REC114: variants seen among roughly 807,000 people sequenced by gnomAD.
REC114 encodes the protein REC114 meiotic recombination protein.
A neutral mutation model predicts 31.3 loss-of-function variants in REC114; 27 were observed. The ratio of observed to expected loss-of-function variants is 0.86; its 90% CI spans 0.64 to 1.19. The LOEUF (loss-of-function observed/expected upper bound fraction) is 1.19. Among genes scored for constraint, REC114 ranks in the 50% most tolerant of loss-of-function variants. The probability of loss-of-function intolerance (pLI) is 0.00; values close to 1 mark genes in which losing one functional copy is unlikely to be tolerated. For missense variants in REC114, 344 were observed against 326.9 expected, an observed-to-expected ratio of 1.05 and a Z score of -0.40; for synonymous variants, 134 against 127.7, an observed-to-expected ratio of 1.05 and a Z score of -0.33.
chr15:73,544,380 T>G (rs1392595219), intron 3 of REC114, among the ~76,000 whole-genome samples: 1 of 152,224 alleles, frequency 6.6e-6, no homozygotes, highest in Non-Finnish European at 1.5e-5. Flanking sequence ...AACACTATTA[T>G]TTAATTGACA....
chr15:73,551,408 A>AG (rs1170388298), intron 4 of REC114, among the ~76,000 whole-genome samples: 1 of 152,156 alleles, frequency 6.6e-6, no homozygotes, highest in African/African-American at 2.4e-5. Context: ...ACCCCTCCCT[A>AG]GGACTCTTCC....
intron 3 of REC114, among the ~76,000 whole-genome samples, chr15:73,550,663 G>T (rs1043643098): frequency 5.3e-5 from 8 of 152,164 alleles, no homozygotes; most frequent in Admixed American, 5.2e-4. Context: ...TCTGCAATCA[G>T]TATAGTGATC....
At chr15:73,499,929 T>C (rs1893581449) in intron 2 of REC114, among the ~76,000 whole-genome samples, 1 of 152,228 alleles carries the variant, frequency 6.6e-6, no homozygotes, top group Non-Finnish European at 1.5e-5. Context: ...CTTTTAATTA[T>C]GGATATTGTC....
At chr15:73,466,590 T>C (rs1893063503) in intron 1 of REC114, among the ~76,000 whole-genome samples, 1 of 152,074 alleles carries the variant, frequency 6.6e-6, no homozygotes, top group Non-Finnish European at 1.5e-5. Context: ...ACCTAAGCAT[T>C]TCCAAAAGGT....
At chr15:73,542,571 C>T (rs1178234354) in intron 3 of REC114, among the ~76,000 whole-genome samples, 1 of 152,076 alleles carries the variant, frequency 6.6e-6, no homozygotes, top group African/African-American at 2.4e-5. Context: ...CACCCACAAC[C>T]CCCAGAAGAT....
chr15:73,513,091 G>A (rs1312352065), intron 2 of REC114, among the ~76,000 whole-genome samples: 3 of 147,540 alleles, frequency 2.0e-5, no homozygotes, highest in Admixed American at 6.8e-5. Context: ...CCAATCAGAC[G>A]TAGATTTGGT....
chr15:73,545,261 G>T (rs1033289833), intron 3 of REC114, among the ~76,000 whole-genome samples: 4 of 152,150 alleles, frequency 2.6e-5, no homozygotes, highest in African/African-American at 9.7e-5. Flanking sequence ...ATCTTCTTAG[G>T]TGATAGAAAC....
intron 2 of REC114, among the ~76,000 whole-genome samples, chr15:73,527,112 C>T (rs1021894217): frequency 3.9e-5 from 6 of 152,082 alleles, no homozygotes; most frequent in African/African-American, 1.4e-4. Flanking sequence ...ACATCTGGCC[C>T]TCATGTATGT....
At chr15:73,484,125 A>G (rs1484683381) in intron 2 of REC114, among the ~76,000 whole-genome samples, 1 of 152,120 alleles carries the variant, frequency 6.6e-6, no homozygotes, top group Non-Finnish European at 1.5e-5. Context: ...ACACACATGC[A>G]TACACATCCT....
intron 4 of REC114, among the ~76,000 whole-genome samples, chr15:73,552,566 G>C (rs1315242867): frequency 6.6e-6 from 1 of 152,032 alleles, no homozygotes; most frequent in Non-Finnish European, 1.5e-5. Context: ...GCCTCATAAG[G>C]GGTCTTGTGA....
At chr15:73,551,420 G>A (rs1894391315) in intron 4 of REC114, among the ~76,000 whole-genome samples, 1 of 152,080 alleles carries the variant, frequency 6.6e-6, no homozygotes, top group Non-Finnish European at 1.5e-5. Flanking sequence ...GACTCTTCCA[G>A]GGGGCCCACA....
chr15:73,449,255 G>T (rs1892811518), intron 1 of REC114, among the ~76,000 whole-genome samples: 1 of 152,054 alleles, frequency 6.6e-6, no homozygotes. Context: ...TTTGAAAAAA[G>T]GTTAGATGAA....
intron 1 of REC114, among the ~76,000 whole-genome samples, chr15:73,459,573 C>T (rs760899011): frequency 8.5e-5 from 13 of 152,144 alleles, no homozygotes; most frequent in African/African-American, 1.2e-4. Context: ...GGAATTTGAT[C>T]CTAGCTGTAA....
intron 1 of REC114, among the ~76,000 whole-genome samples, chr15:73,462,884 C>CAAAAAAAAAAAAAAAAAAAAAAAAA (rs769569268): frequency 1.1e-4 from 6 of 55,648 alleles, no homozygotes; most frequent in African/African-American, 2.8e-4. Context: ...GACTCCGTCT[C>CAAAAAAAAAAAAAAAAAAAAAAAAA]AAAAAAAAAA....
At chr15:73,514,165 G>T (rs1045295947) in intron 2 of REC114, among the ~76,000 whole-genome samples, 2 of 151,432 alleles carry the variant, frequency 1.3e-5, no homozygotes, top group Admixed American at 6.6e-5. Context: ...TTTTTAAGCC[G>T]GTCTGAAAAG....
At chr15:73,504,313 T>C (rs963225666) in intron 2 of REC114, among the ~76,000 whole-genome samples, 1 of 152,098 alleles carries the variant, frequency 6.6e-6, no homozygotes. Flanking sequence ...TGAAATATTT[T>C]TATATTTCTT....
intron 1 of REC114, among the ~76,000 whole-genome samples, chr15:73,465,191 C>G (rs1432064354): frequency 6.6e-6 from 1 of 152,130 alleles, no homozygotes; most frequent in Non-Finnish European, 1.5e-5. Context: ...TGTCCCCTGC[C>G]AGATGCTGGT....
At chr15:73,471,818 A>C (rs1893137226) in intron 1 of REC114, among the ~76,000 whole-genome samples, 1 of 152,340 alleles carries the variant, frequency 6.6e-6, no homozygotes, top group South Asian at 2.1e-4. Flanking sequence ...ATCATCATAG[A>C]AGGTATTCAA....
intron 3 of REC114, among the ~76,000 whole-genome samples, chr15:73,541,945 A>G (rs1347312935): frequency 6.6e-6 from 1 of 152,216 alleles, no homozygotes; most frequent in Non-Finnish European, 1.5e-5. Flanking sequence ...CTAAGCATAT[A>G]TACTATATCA....
Sources: gnomAD v4.1 joint callset for allele counts (sites outside exome capture counted in the v4.1 genomes callset) on GRCh38, gnomAD v4.1.1 for gene constraint, MANE v1.5 for transcripts, NCBI Gene and HGNC (gene_info 2026-07-23, HGNC 2026-07-21) for gene names.